CFAP91: variants seen among roughly 807,000 people sequenced by gnomAD.
The protein encoded by CFAP91 is cilia- and flagella-associated protein 91.
In CFAP91, 85 loss-of-function variants were observed where a neutral mutation model predicts 95.9. The ratio of observed to expected loss-of-function variants is 0.89; its 90% CI spans 0.74 to 1.06. The LOEUF (loss-of-function observed/expected upper bound fraction) is 1.06, where lower values mean the gene tolerates loss of function less well. CFAP91 is among the 50% of genes least tolerant of loss of function. CFAP91 has a pLI of 0.00. For synonymous variants in CFAP91, 335 were observed against 327.5 expected (o/e 1.02, Z -0.25); for missense variants, 962 against 943.4 (o/e 1.02, Z -0.26).
intron 9 of CFAP91, 118 bp from the exon 10 acceptor site, chr3:119,733,246 C>A: frequency 1.1e-6 from 1 of 946,600 alleles, no homozygotes; most frequent in Non-Finnish European, 1.6e-6. Context: ...ATATGAGATA[C>A]ACCCTCTCAA....
chr3:119,721,137 A>C (rs760144870), intron 6 of CFAP91, among the ~76,000 whole-genome samples: 81 of 152,254 alleles, frequency 5.3e-4, no homozygotes, highest in Non-Finnish European at 8.4e-4. Flanking sequence ...GTATTTTAAA[A>C]GAGTGACTTA....
intron 17 of CFAP91, chr3:119,752,445 G>A (rs1336076392): frequency 6.6e-6 from 1 of 152,098 alleles, no homozygotes; most frequent in Non-Finnish European, 1.5e-5. Flanking sequence ...GTAAATTACA[G>A]CAGAAAAACT....
intron 5 of CFAP91, among the ~76,000 whole-genome samples, chr3:119,713,915 G>A (rs1325360694): frequency 6.6e-6 from 1 of 151,880 alleles, no homozygotes. Flanking sequence ...ATTCCATTAT[G>A]GCTGTTTCAT....
At chr3:119,738,332 C>CTTTTGTTTTT (rs2054049800) in intron 11 of CFAP91, among the ~76,000 whole-genome samples, 1 of 23,040 alleles carries the variant, frequency 4.3e-5, no homozygotes, top group Admixed American at 8.5e-4. Context: ...GACATATTGT[C>CTTTTGTTTTT]TTTTTTTTTT....
intron 10 of CFAP91, 62 bp from the exon 11 acceptor site, chr3:119,737,304 C>T: frequency 9.9e-7 from 1 of 1,007,390 alleles, no homozygotes; most frequent in African/African-American, 1.7e-5. Flanking sequence ...TGCACTTTTA[C>T]CTCTTAAATT....
chr3:119,733,589 C>A, intron 10 of CFAP91, 83 bp downstream of exon 10: 1 of 1,415,572 alleles, frequency 7.1e-7, no homozygotes, highest in Non-Finnish European at 9.8e-7. Context: ...GCAGCAATGT[C>A]CAGTGGGTCA....
chr3:119,753,480 T>A (rs2472663), intron 17 of CFAP91, among the ~76,000 whole-genome samples: 51,613 of 152,072 alleles, frequency 0.34, 10,535 homozygotes, highest in Non-Finnish European at 0.45. Context: ...CTGCCAGAAA[T>A]AAAATGTAAA....
In CFAP91 at chr3:119,709,853, T is replaced by C; in HGVS notation, c.458T>C (p.Phe153Ser). The change falls in exon 5 of 18, where the codon TTT becomes TCT. Residue 153 changes from phenylalanine (F) to serine (S), a missense_variant. By Grantham distance (155) the Phe-to-Ser change is radical. Coordinates refer to ENST00000273390, the MANE Select transcript of CFAP91 (RefSeq NM_033364.4). ...YKYFERPFLPFFQQMPFNVVY... is the reference protein window; with the variant it reads ...YKYFERPFLPSFQQMPFNVVY... ...TTTCCTCCCAGGCCTTTTCTCCCAT[T>C]TTTTCAGCAGATGCCATTCAATGTT... 3 of 1,613,090 alleles carry C rather than the reference T, an allele frequency of 1.9e-6. No individual in the cohort carries two copies. Among genetic ancestry groups the C allele is most frequent in the Non-Finnish European group, 1.7e-6 (2 of 1,179,066 alleles).
At chr3:119,758,889 G>A (rs1334481342) in intron 17 of CFAP91, among the ~76,000 whole-genome samples, 1 of 151,948 alleles carries the variant, frequency 6.6e-6, no homozygotes, top group African/African-American at 2.4e-5. Flanking sequence ...CCGAAATTAA[G>A]CAAAATGTTA....
At chr3:119,745,305 T>G (rs1364262664) in intron 14 of CFAP91, among the ~76,000 whole-genome samples, 2 of 152,152 alleles carry the variant, frequency 1.3e-5, no homozygotes, top group Non-Finnish European at 2.9e-5. Flanking sequence ...AAACCAGAAA[T>G]GTAATATTTA....
At chr3:119,732,189 T>C (rs2053911861) in intron 8 of CFAP91, 105 bp from the exon 9 acceptor site, 2 of 884,666 alleles carry the variant, frequency 2.3e-6, no homozygotes, top group Admixed American at 2.8e-5. Context: ...AATTCATTCA[T>C]TTCAATAGCT....
Position 119,703,240 on chromosome 3 carries a change from C to G in CFAP91, c.124+18C>G, listed in dbSNP as rs377576685. The G allele has an allele frequency of 1.6e-5, 25 of 1,610,256 alleles. No individual in the cohort carries two copies. Among genetic ancestry groups the G allele is most frequent in the Non-Finnish European group, 2.0e-5 (23 of 1,178,356 alleles). The stretch of plus-strand genomic sequence containing the variant: ...TCTGTACGGTAAGGACCGCCGCAGA[C>G]CTTCCTCCGCGTCCGTCGCCTCCTA... On this transcript the variant is annotated intron_variant, in intron 1 of 17. Coordinates refer to ENST00000273390, the MANE Select transcript of CFAP91 (RefSeq NM_033364.4).
At chr3:119,746,637 C>T (rs2054224015) in intron 14 of CFAP91, among the ~76,000 whole-genome samples, 1 of 152,184 alleles carries the variant, frequency 6.6e-6, no homozygotes, top group Admixed American at 6.5e-5. Flanking sequence ...CAATCCAGCT[C>T]CTGTGGGTGC....
Position 119,740,638 on chromosome 3 carries a change from A to G in CFAP91, c.1623A>G (p.Lys541=). 6.2e-7 allele frequency: 1 copy of G among 1,614,236 alleles called. No homozygotes were observed. Among genetic ancestry groups the G allele is most frequent in the South Asian group, 1.1e-5 (1 of 91,086 alleles). ...AAGAAGATGAAAAGCTGGTGAAAAA[A>G]GCCGAGAAGCAAGTGACCCTGGCCT... ...ALQEDEKLVK[K]AEKQVTLALQ... is the part of the protein sequence containing the mutation. The change falls in exon 13 of 18, where the codon AAA becomes AAG. Residue 541 remains lysine, a synonymous_variant. Transcript: ENST00000273390.
chr3:119,730,600 TAGTGTGTG>T (rs1342475672), intron 8 of CFAP91, among the ~76,000 whole-genome samples: 5 of 95,358 alleles, frequency 5.2e-5, no homozygotes, highest in South Asian at 4.5e-4. Context: ...GTTACTGAGA[TAGTGTGTG>T]TGTGTGTGTG....
intron 6 of CFAP91, among the ~76,000 whole-genome samples, chr3:119,722,708 T>C (rs1432239554): frequency 6.6e-6 from 1 of 152,088 alleles, no homozygotes; most frequent in Non-Finnish European, 1.5e-5. Context: ...TTGCCCAGGC[T>C]GGTCTCCAAT....
rs191975681 is a variant in CFAP91 at position 119,727,831 on chromosome 3, A to G, written c.860+1483A>G. On this transcript the variant is annotated intron_variant, in intron 7 of 17. Coordinates refer to ENST00000273390, the MANE Select transcript of CFAP91 (RefSeq NM_033364.4). ...GCTTCTGAGCTGGGTTTTGAAGGGT[A>G]GGTAAGAAGCCATCAGGCAGATAGT... Among the ~76,000 whole-genome samples the G allele has an allele frequency of 3.3e-5, 5 of 152,328 alleles. 1 individual carries two copies. In the South Asian group the frequency reaches 6.2e-4, roughly 19 times the overall value.
chr3:119,764,462 G>T (rs1183185180), intron 17 of CFAP91, among the ~76,000 whole-genome samples: 1 of 152,114 alleles, frequency 6.6e-6, no homozygotes, highest in African/African-American at 2.4e-5. Context: ...TGGGCTTTAT[G>T]TAATTGAAAG....
At chr3:119,730,940 A>G (rs1436227313) in intron 8 of CFAP91, among the ~76,000 whole-genome samples, 1 of 152,204 alleles carries the variant, frequency 6.6e-6, no homozygotes, top group East Asian at 1.9e-4. Flanking sequence ...TTAAATTTAT[A>G]TTTGAAAAAT....
Sources: allele counts gnomAD v4.1 joint callset (sites outside exome capture counted in the v4.1 genomes callset), GRCh38; gene constraint gnomAD v4.1.1; transcripts MANE v1.5; gene names NCBI Gene and HGNC (gene_info 2026-07-23, HGNC 2026-07-21).